The following HTR1E variants were observed in gnomAD, a reference collection of about 807,000 sequenced individuals.
The protein encoded by HTR1E is 5-HT-1E.
Under a neutral mutation model 3.4 loss-of-function variants are expected in HTR1E, and 3 were observed. That is an observed-to-expected ratio of 0.89 (90% CI 0.41 to 2.31). The LOEUF is 2.31. Among genes scored for constraint, HTR1E ranks in the 30% most tolerant of loss-of-function variants. The probability of loss-of-function intolerance (pLI) is 0.05; values close to 1 mark genes in which losing one functional copy is unlikely to be tolerated. For missense variants in HTR1E, 392 were observed against 467.0 expected (o/e 0.84, Z 1.48); for synonymous variants, 170 against 182.8 (o/e 0.93, Z 0.56).
At chr6:86,969,913 ACAACAAC>A (rs1423031773) in intron 1 of HTR1E, among the ~76,000 whole-genome samples, 4 of 152,238 alleles carry the variant, frequency 2.6e-5, no homozygotes, top group Non-Finnish European at 5.9e-5. Context: ...AAGTCATCTT[ACAACAAC>A]GGGGGTCTAC....
At chr6:86,999,857 T>C (rs1015492186) in intron 1 of HTR1E, among the ~76,000 whole-genome samples, 12 of 152,236 alleles carry the variant, frequency 7.9e-5, no homozygotes, top group Non-Finnish European at 1.6e-4. Flanking sequence ...CCCTGCATGA[T>C]ACTGGAGTGC....
intron 1 of HTR1E, among the ~76,000 whole-genome samples, chr6:86,983,788 A>G (rs1001762887): frequency 3.3e-5 from 5 of 152,206 alleles, no homozygotes; most frequent in Non-Finnish European, 5.9e-5. Context: ...ATAAATATGT[A>G]CAACTTATTC....
At chr6:86,968,768 T>C (rs976586489) in intron 1 of HTR1E, among the ~76,000 whole-genome samples, 12 of 152,302 alleles carry the variant, frequency 7.9e-5, no homozygotes, top group African/African-American at 2.9e-4. Context: ...TTTTCATTAA[T>C]GGTATTTTTA....
chr6:87,002,570 T>C lies in HTR1E; in HGVS notation c.-185-12580T>C, dbSNP rs575089787. ...GTTTACAATCCTTTAGCTAGACACATAGTGCTGACTGGTGCATTTTTACAG... is the reference window on the plus strand; with the variant it reads ...GTTTACAATCCTTTAGCTAGACACACAGTGCTGACTGGTGCATTTTTACAG... On this transcript the variant is annotated intron_variant, in intron 1 of 1. Transcript: ENST00000305344. Among the ~76,000 whole-genome samples the C allele has an allele frequency of 2.0e-5, 3 of 152,126 alleles. No individual in the cohort carries two copies. In the South Asian group the frequency reaches 6.2e-4, roughly 32 times the overall value.
chr6:86,961,072 G>A (rs1426215885), intron 1 of HTR1E, among the ~76,000 whole-genome samples: 3 of 152,198 alleles, frequency 2.0e-5, no homozygotes, highest in African/African-American at 7.2e-5. Context: ...TATCAAGAGA[G>A]CCTGGTCCTA....
chr6:87,013,721 A>C (rs1768273415), intron 1 of HTR1E, among the ~76,000 whole-genome samples: 1 of 152,106 alleles, frequency 6.6e-6, no homozygotes, highest in Non-Finnish European at 1.5e-5. Flanking sequence ...TATAAATAAG[A>C]AATTAATTGG....
intron 1 of HTR1E, among the ~76,000 whole-genome samples, chr6:86,978,818 T>C (rs1048899065): frequency 1.5e-4 from 23 of 152,370 alleles, no homozygotes; most frequent in Middle Eastern, 6.8e-3. Context: ...TGCAGGTTTC[T>C]TCTGCTCAGA....
At chr6:87,009,487 C>T (rs1768168983) in intron 1 of HTR1E, among the ~76,000 whole-genome samples, 1 of 151,586 alleles carries the variant, frequency 6.6e-6, no homozygotes, top group African/African-American at 2.4e-5. Context: ...GGCAACCATC[C>T]GATTTCTCAA....
intron 1 of HTR1E, among the ~76,000 whole-genome samples, chr6:87,010,355 G>A (rs1468249125): frequency 3.0e-4 from 33 of 110,802 alleles, no homozygotes; most frequent in South Asian, 9.8e-4. Flanking sequence ...GCGGCTGGCC[G>A]GGCGGGGGGC....
chr6:86,956,224 T>A (rs1307081452), intron 1 of HTR1E, among the ~76,000 whole-genome samples: 1 of 152,214 alleles, frequency 6.6e-6, no homozygotes, highest in African/African-American at 2.4e-5. Context: ...CTACATTCTA[T>A]AAAGAATCCT....
chr6:87,014,697 CACAGGA>C (rs889126626), intron 1 of HTR1E, among the ~76,000 whole-genome samples: 86 of 152,236 alleles, frequency 5.6e-4, no homozygotes, highest in African/African-American at 2.0e-3. Context: ...AACAAACTAA[CACAGGA>C]ACAGAAAACC....
At chr6:87,002,975 C>T (rs528898221) in intron 1 of HTR1E, among the ~76,000 whole-genome samples, 2 of 152,250 alleles carry the variant, frequency 1.3e-5, no homozygotes, top group Admixed American at 6.5e-5. Context: ...ACCAAATGGA[C>T]CTAATAGATA....
At chr6:86,995,172 C>A (rs935093482) in intron 1 of HTR1E, among the ~76,000 whole-genome samples, 2 of 151,760 alleles carry the variant, frequency 1.3e-5, no homozygotes, top group Non-Finnish European at 1.5e-5. Flanking sequence ...ACATACCGAC[C>A]CGGAGCCGTG....
chr6:87,000,751 G>A (rs991860897), intron 1 of HTR1E, among the ~76,000 whole-genome samples: 1 of 152,178 alleles, frequency 6.6e-6, no homozygotes, highest in Non-Finnish European at 1.5e-5. Context: ...AAATGCAAAG[G>A]AAGTTCTTCA....
chr6:87,005,825 C>T (rs564051502), intron 1 of HTR1E, among the ~76,000 whole-genome samples: 1 of 152,050 alleles, frequency 6.6e-6, no homozygotes, highest in Non-Finnish European at 1.5e-5. Context: ...AAAATATTTG[C>T]AAACTACTCA....
intron 1 of HTR1E, among the ~76,000 whole-genome samples, chr6:86,990,161 T>C (rs1412376326): frequency 6.6e-6 from 1 of 152,238 alleles, no homozygotes; most frequent in Non-Finnish European, 1.5e-5. Context: ...AGTTCTTCTC[T>C]GAGGAGTTTC....
At chr6:87,002,059 C>T (rs772417532) in intron 1 of HTR1E, among the ~76,000 whole-genome samples, 24 of 152,154 alleles carry the variant, frequency 1.6e-4, no homozygotes, top group Non-Finnish European at 2.8e-4. Context: ...GTCAATTCAG[C>T]AAGAGGATAT....
chr6:86,979,641 G>T (rs1767684021), intron 1 of HTR1E, among the ~76,000 whole-genome samples: 1 of 152,162 alleles, frequency 6.6e-6, no homozygotes, highest in African/African-American at 2.4e-5. Flanking sequence ...ACAATATATT[G>T]CTGTGTGGGT....
At chr6:87,000,873 AACT>A (rs1292019425) in intron 1 of HTR1E, among the ~76,000 whole-genome samples, 2 of 152,212 alleles carry the variant, frequency 1.3e-5, no homozygotes, top group Non-Finnish European at 2.9e-5. Context: ...GTGGTGTGTA[AACT>A]ATTCATATCT....
Sources: allele counts gnomAD v4.1 joint callset (sites outside exome capture counted in the v4.1 genomes callset), GRCh38; gene constraint gnomAD v4.1.1; transcripts MANE v1.5; gene names NCBI Gene and HGNC (gene_info 2026-07-23, HGNC 2026-07-21).